Variants in ABCC6 observed in about 807,000 individuals in gnomAD.
ABCC6 encodes the protein ATP binding cassette subfamily C member 6.
In ABCC6, 126 loss-of-function variants were observed where a neutral mutation model predicts 169.5. The observed-to-expected ratio is 0.74, with a 90% CI of 0.64 to 0.86. The LOEUF (loss-of-function observed/expected upper bound fraction) is 0.86. ABCC6 is among the 40% of genes least tolerant of loss of function. ABCC6 has a pLI of 0.00. For missense variants in ABCC6, 1,733 were observed against 1,927.2 expected (o/e 0.90, Z 1.89); for synonymous variants, 752 against 814.7 (o/e 0.92, Z 1.31).
intron 27 of ABCC6, chr16:16,155,297 TTTCCTCATCC>T (rs945015038): frequency 1.6e-5 from 9 of 576,422 alleles, no homozygotes; most frequent in African/African-American, 1.5e-4. Flanking sequence ...TTCCTCCATC[TTTCCTCATCC>T]TTCTATTTAC....
At chr16:16,206,285 G>T (rs1256509007) in intron 7 of ABCC6, among the ~76,000 whole-genome samples, 2 of 152,094 alleles carry the variant, frequency 1.3e-5, no homozygotes, top group African/African-American at 2.4e-5. Context: ...AAGGCAGGGG[G>T]TATGCATGAG....
At chr16:16,154,833 C>A in intron 28 of ABCC6, 39 bp from the exon 29 acceptor site, 1 of 1,609,800 alleles carries the variant, frequency 6.2e-7, no homozygotes, top group Non-Finnish European at 8.5e-7. Flanking sequence ...CGGGTCCCAC[C>A]ATGCCTCCCA....
At chr16:16,181,120 A>C (rs2047454058) in intron 17 of ABCC6, among the ~76,000 whole-genome samples, 1 of 152,084 alleles carries the variant, frequency 6.6e-6, no homozygotes, top group South Asian at 2.1e-4. Context: ...CCTGGCCAAC[A>C]TGGTGAAACC....
chr16:16,186,423 G>A (rs1241221847), intron 14 of ABCC6, among the ~76,000 whole-genome samples: 1 of 151,938 alleles, frequency 6.6e-6, no homozygotes, highest in Non-Finnish European at 1.5e-5. Context: ...CATACAGCAG[G>A]AGGTGAGCGC....
At chr16:16,211,258 G>C (rs552157927) in intron 6 of ABCC6, among the ~76,000 whole-genome samples, 1 of 151,466 alleles carries the variant, frequency 6.6e-6, no homozygotes, top group East Asian at 1.9e-4. Context: ...AAAATTAGCC[G>C]AGCATAGTGG....
chr16:16,185,887 G>T (rs2047641937), intron 14 of ABCC6, among the ~76,000 whole-genome samples: 1 of 152,190 alleles, frequency 6.6e-6, no homozygotes, highest in African/African-American at 2.4e-5. Context: ...AGTTAGAATT[G>T]CCTGAAAGAT....
intron 6 of ABCC6, among the ~76,000 whole-genome samples, chr16:16,211,646 G>C (rs1304938706): frequency 6.6e-6 from 1 of 152,142 alleles, no homozygotes; most frequent in Admixed American, 6.5e-5. Context: ...TCTGAATGCC[G>C]TGTGGTTAGG....
At chr16:16,204,865 C>T (rs181903239) in intron 7 of ABCC6, among the ~76,000 whole-genome samples, 1,827 of 139,844 alleles carry the variant, frequency 0.013, 48 homozygotes, top group African/African-American at 0.045. Context: ...GACAGAGTTT[C>T]GCTCTTGTCG....
At chr16:16,209,170 A>G (rs2048507410) in intron 6 of ABCC6, among the ~76,000 whole-genome samples, 1 of 151,592 alleles carries the variant, frequency 6.6e-6, no homozygotes, top group African/African-American at 2.4e-5. Flanking sequence ...TGCAACCTCC[A>G]CCTCCCAGGT....
In ABCC6 at chr16:16,150,780, C is replaced by G; in HGVS notation, c.4209-8G>C. The G allele has an allele frequency of 6.2e-7, 1 of 1,613,130 alleles. No homozygotes were observed. The highest frequency in any genetic ancestry group is 8.5e-7 in the Non-Finnish European group (1 of 1,179,780). ...AGCTGTTTCTGGCCCACGCTGGGAA[C>G]GATTGGGACAATTAGCTGGGACGTG... On this transcript the variant is annotated splice_region_variant and splice_polypyrimidine_tract_variant and intron_variant, in intron 29 of 30. Coordinates refer to ENST00000205557, the MANE Select transcript of ABCC6 (RefSeq NM_001171.6).
At position 16,190,274 on chromosome 16, in the gene ABCC6, C is replaced by A. The variant is rs746159494; in HGVS notation, c.1525G>T (p.Ala509Ser). ...ATGCCCAGGACTCTGTCCAGAAAGGCTCCCTCCCAGCCATGGAACTTGATG... is the reference window on the plus strand; with the variant it reads ...ATGCCCAGGACTCTGTCCAGAAAGGATCCCTCCCAGCCATGGAACTTGATG... ...KTIKFHGWEG[A>S]FLDRVLGIRG... is the part of the protein sequence containing the mutation. Residue 509 changes from alanine to serine, a missense_variant, in exon 12 of 31, where the codon GCC becomes TCC. Ala to Ser is a moderately conservative substitution (Grantham distance 99). Around this residue, in one of 5 missense-constraint regions of ABCC6, gnomAD observed 1,601 missense variants for 1,635.5 expected, o/e 0.98. Transcript: ENST00000205557. 3.1e-6 allele frequency: 5 copies of A among 1,614,044 alleles called. No homozygotes were observed. In the African/African-American group the frequency reaches 6.7e-5, roughly 22 times the overall value.
At chr16:16,185,174 C>T (rs900381640) in intron 14 of ABCC6, 140 bp from the exon 15 acceptor site, 13 of 785,574 alleles carry the variant, frequency 1.7e-5, no homozygotes, top group Non-Finnish European at 2.4e-5. Context: ...ACAAATTGCC[C>T]TGCTACTCAC....
At chr16:16,161,344 T>G (rs2046709503) in intron 25 of ABCC6, 94 bp downstream of exon 25, 1 of 1,581,070 alleles carries the variant, frequency 6.3e-7, no homozygotes, top group South Asian at 1.1e-5. Context: ...CATGTTGGTT[T>G]GGACACAGGG....
intron 17 of ABCC6, chr16:16,181,855 C>T (rs184445268): frequency 1.2e-3 from 194 of 161,010 alleles, no homozygotes; most frequent in African/African-American, 4.4e-3. Context: ...ATTGCTTGAA[C>T]GTGGGAGGCG....
In ABCC6 at chr16:16,221,677, C is replaced by G; in HGVS notation, c.191G>C (p.Arg64Pro). Residue 64 changes from arginine (R) to proline (P), a missense_variant, in exon 2 of 31, where the codon CGG (arginine) becomes CCG (proline). Physicochemically the swap from Arg to Pro is moderately radical, Grantham distance 103 (BLOSUM62 -2). Around this residue, in one of 5 missense-constraint regions of ABCC6, gnomAD observed 66 missense variants for 69.5 expected, o/e 0.95. Transcript: ENST00000205557. The part of the protein sequence containing the change: ...FIHHHGRGYL[R>P]MSPLFKAKMV... ...CTTGGCTTTGAAGAGTGGGGACATCCGGAGGTAGCCCCGGCCATGGTGGTG... is the reference window on the plus strand; with the variant it reads ...CTTGGCTTTGAAGAGTGGGGACATCGGGAGGTAGCCCCGGCCATGGTGGTG... 5 of 1,613,768 alleles carry G rather than the reference C, an allele frequency of 3.1e-6. No homozygotes were observed. The highest frequency in any genetic ancestry group is 4.2e-6 in the Non-Finnish European group (5 of 1,179,760).
chr16:16,152,513 G>A (rs1218412603), intron 29 of ABCC6, among the ~76,000 whole-genome samples: 4 of 152,096 alleles, frequency 2.6e-5, no homozygotes, highest in Non-Finnish European at 5.9e-5. Flanking sequence ...TTCCAACTCT[G>A]TGAAATGATG....
chr16:16,188,555 A>G (rs1172871266), intron 13 of ABCC6, among the ~76,000 whole-genome samples: 1 of 152,128 alleles, frequency 6.6e-6, no homozygotes, highest in African/African-American at 2.4e-5. Context: ...TTGTATGTGG[A>G]ATTGCTGGGC....
chr16:16,187,913 AAAT>A (rs1357516513), intron 13 of ABCC6, among the ~76,000 whole-genome samples: 3 of 140,450 alleles, frequency 2.1e-5, no homozygotes, highest in Admixed American at 7.2e-5. Flanking sequence ...TAAATTAAAT[AAAT>A]AAATAAATAA....
At chr16:16,201,408 TAGAA>T (rs2048232104) in intron 9 of ABCC6, among the ~76,000 whole-genome samples, 1 of 151,114 alleles carries the variant, frequency 6.6e-6, no homozygotes, top group South Asian at 2.1e-4. Flanking sequence ...ATTGGGGGAG[TAGAA>T]GTGGTGCCTA....
Sources: gnomAD v4.1 joint callset for allele counts (sites outside exome capture counted in the v4.1 genomes callset) on GRCh38, gnomAD v4.1.1 for gene constraint, gnomAD v4.1.1 regional missense constraint, MANE v1.5 for transcripts, NCBI Gene and HGNC (gene_info 2026-07-23, HGNC 2026-07-21) for gene names.